POP4: variants seen among roughly 807,000 people sequenced by gnomAD.
The protein encoded by POP4 is ribonuclease P protein subunit p29.
A neutral mutation model predicts 29.9 loss-of-function variants in POP4; 31 were observed. The observed-to-expected ratio is 1.04, with a 90% CI of 0.78 to 1.40. The LOEUF is 1.40. POP4 is among the 40% of genes most tolerant of loss of function. The pLI, the probability that POP4 is intolerant of heterozygous loss-of-function variation, is 0.00. For synonymous variants in POP4, 110 were observed against 108.2 expected (o/e 1.02, Z -0.10); for missense variants, 286 against 282.7 (o/e 1.01, Z -0.08).
At chr19:29,606,880 G>A (rs1197233683) in intron 1 of POP4, among the ~76,000 whole-genome samples, 1 of 152,110 alleles carries the variant, frequency 6.6e-6, no homozygotes, top group Non-Finnish European at 1.5e-5. Context: ...GCTTCAGTTT[G>A]CTCATGCACA....
At chr19:29,607,191 T>G (rs566208194) in intron 1 of POP4, among the ~76,000 whole-genome samples, 1 of 151,878 alleles carries the variant, frequency 6.6e-6, no homozygotes, top group East Asian at 1.9e-4. Context: ...CCCAGCACTT[T>G]GGGAGGCTGA....
At chr19:29,612,024 G>A in intron 4 of POP4, 85 bp downstream of exon 4, 10 of 1,581,532 alleles carry the variant, frequency 6.3e-6, no homozygotes, top group Non-Finnish European at 8.7e-6. Context: ...AACCAGCGTT[G>A]GTATTGCCTG....
At chr19:29,607,979 C>T (rs367856112) in intron 1 of POP4, among the ~76,000 whole-genome samples, 46 of 152,290 alleles carry the variant, frequency 3.0e-4, no homozygotes, top group African/African-American at 1.4e-4. Context: ...CACTGACCTG[C>T]AGTAGTATCT....
At chr19:29,611,818 G>A in intron 3 of POP4, 44 bp from the exon 4 acceptor site, 1 of 1,521,472 alleles carries the variant, frequency 6.6e-7, no homozygotes, top group Non-Finnish European at 9.1e-7. Context: ...GTCATCCCAA[G>A]CTCATGTTGT....
At chr19:29,608,265 T>TC (rs1377117091) in intron 1 of POP4, among the ~76,000 whole-genome samples, 2 of 132,530 alleles carry the variant, frequency 1.5e-5, no homozygotes, top group East Asian at 5.6e-4. Flanking sequence ...TTCTTTTCTT[T>TC]TTTTTTTTTT....
chr19:29,608,505 C>A, intron 1 of POP4, 152 bp from the exon 2 acceptor site: 2 of 653,474 alleles, frequency 3.1e-6, no homozygotes, highest in Non-Finnish European at 5.3e-6. Context: ...GACCTTGGGT[C>A]AGGATCCGCC....
intron 2 of POP4, 59 bp downstream of exon 2, chr19:29,608,768 G>A: frequency 6.7e-6 from 10 of 1,491,444 alleles, no homozygotes; most frequent in South Asian, 1.1e-5. Flanking sequence ...TGGCTCAGTA[G>A]CTTCTGAGCC....
At chr19:29,608,980 G>T (rs1971035494) in intron 2 of POP4, 2 of 367,026 alleles carry the variant, frequency 5.4e-6, no homozygotes, top group South Asian at 7.8e-5. Context: ...ACACCAGGCT[G>T]TGCCCACGTG....
At chr19:29,608,068 C>T (rs1233983194) in intron 1 of POP4, among the ~76,000 whole-genome samples, 3 of 152,110 alleles carry the variant, frequency 2.0e-5, no homozygotes, top group East Asian at 3.8e-4. Flanking sequence ...GATTTTTACA[C>T]ACGTTAAATT....
Position 29,611,954 on chromosome 19 carries a change from T to C in POP4, c.362+15T>C. 6.2e-7 allele frequency: 1 copy of C among 1,611,564 alleles called. No individual in the cohort carries two copies. Among genetic ancestry groups the C allele is most frequent in the Non-Finnish European group, 8.5e-7 (1 of 1,177,620 alleles). On this transcript the variant is annotated intron_variant, in intron 4 of 6. Coordinates refer to ENST00000585603, the MANE Select transcript of POP4 (RefSeq NM_006627.3). The stretch of plus-strand genomic sequence containing the variant: ...AAGCCAGACACGTAAGTTGCATTCC[T>C]GAAGCTTTGCTCTTTGGGGTGGATC...
chr19:29,608,709 G>A lies in POP4; in HGVS notation c.60G>A (p.Gln20=), dbSNP rs752579398. 9 of 1,613,744 alleles carry A rather than the reference G, an allele frequency of 5.6e-6. No homozygotes were observed. The East Asian group carries it at 1.6e-4, about 28-fold the overall frequency. Residue 20 remains glutamine, a splice_region_variant and synonymous_variant, in exon 2 of 7, where the codon CAG becomes CAA. Coordinates refer to ENST00000585603, the MANE Select transcript of POP4 (RefSeq NM_006627.3). The part of the protein sequence containing the change: ...SQKEANDSDV[Q]PSGAQRAEAF... ...AAGAGGCGAATGACTCCGATGTCCAGGTCAGTTCTTGGCAGGGAGTCCAGG... is the reference window on the plus strand; with the variant it reads ...AAGAGGCGAATGACTCCGATGTCCAAGTCAGTTCTTGGCAGGGAGTCCAGG...
chr19:29,607,512 G>GCT (rs1971013835), intron 1 of POP4, among the ~76,000 whole-genome samples: 1 of 151,900 alleles, frequency 6.6e-6, no homozygotes, highest in Non-Finnish European at 1.5e-5. Context: ...CATTCTCAGG[G>GCT]AAGTACAAGA....
intron 1 of POP4, 101 bp downstream of exon 1, chr19:29,606,426 C>A (rs1381469306): frequency 1.5e-6 from 2 of 1,343,126 alleles, no homozygotes; most frequent in African/African-American, 3.0e-5. Flanking sequence ...GCTGCGGAGT[C>A]CTAACAGAAC....
At chr19:29,612,081 C>A in intron 4 of POP4, 36 bp from the exon 5 acceptor site, 1 of 1,594,428 alleles carries the variant, frequency 6.3e-7, no homozygotes, top group Non-Finnish European at 8.5e-7. Context: ...AACTTTTTAT[C>A]ATGATGTAAA....
intron 5 of POP4, 29 bp downstream of exon 5, chr19:29,612,207 G>A: frequency 6.3e-7 from 1 of 1,579,502 alleles, no homozygotes; most frequent in Non-Finnish European, 8.6e-7. Context: ...TGTAGCACAT[G>A]GCCATCCAGA....
intron 1 of POP4, 105 bp from the exon 2 acceptor site, chr19:29,608,552 G>GAGC: frequency 8.6e-7 from 1 of 1,162,408 alleles, no homozygotes; most frequent in Non-Finnish European, 1.3e-6. Flanking sequence ...CTACAGGTAT[G>GAGC]AGCCACTGCG....
In POP4 at chr19:29,611,728, C is replaced by G. The variant is rs145496388; in HGVS notation, c.285-134C>G. The G allele has an allele frequency of 4.3e-4, 303 of 712,264 alleles. 4 individuals carry two copies. The East Asian group carries it at 6.1e-3, about 14-fold the overall frequency. The allele number at this position is 712,264 out of a possible 1,614,324, so 44.1% of individuals were successfully genotyped here. A position where few individuals can be genotyped will look rare whatever the true frequency, so the allele number is the denominator to read the frequency against. Reference sequence around the variant, plus strand: ...CTCGGTTATCAGCTCAATTGCTCATCGTCGGATTTGCACATAGTTCCTAAT... The same window carrying G: ...CTCGGTTATCAGCTCAATTGCTCATGGTCGGATTTGCACATAGTTCCTAAT... On this transcript the variant is annotated intron_variant, in intron 3 of 6. Coordinates refer to ENST00000585603, the MANE Select transcript of POP4 (RefSeq NM_006627.3).
At chr19:29,610,825 G>A in intron 3 of POP4, 193 bp downstream of exon 3, 1 of 603,606 alleles carries the variant, frequency 1.7e-6, no homozygotes, top group Non-Finnish European at 2.9e-6. Context: ...AGGACTCATT[G>A]TCTGGCCTCT....
At chr19:29,610,880 C>T (rs574588111) in intron 3 of POP4, 308 of 518,026 alleles carry the variant, frequency 5.9e-4, no homozygotes, top group Middle Eastern at 3.1e-3. Context: ...CATCTGTTGC[C>T]CATGGCAACA....
Sources: gnomAD v4.1 joint callset for allele counts (sites outside exome capture counted in the v4.1 genomes callset) on GRCh38, gnomAD v4.1.1 for gene constraint, MANE v1.5 for transcripts, NCBI Gene and HGNC (gene_info 2026-07-23, HGNC 2026-07-21) for gene names.